Variants in ARHGAP10 observed in about 807,000 individuals in gnomAD.
ARHGAP10 encodes rho GTPase-activating protein 10.
A neutral mutation model predicts 108.6 loss-of-function variants in ARHGAP10; 87 were observed. That is an observed-to-expected ratio of 0.80 (90% CI 0.67 to 0.96). The LOEUF (loss-of-function observed/expected upper bound fraction) is 0.96, where lower values mean the gene tolerates loss of function less well. ARHGAP10 is among the 40% of genes least tolerant of loss of function. The pLI, the probability that ARHGAP10 is intolerant of heterozygous loss-of-function variation, is 0.00. For missense variants in ARHGAP10, 939 were observed against 954.5 expected, an observed-to-expected ratio of 0.98 and a Z score of 0.21; for synonymous variants, 347 against 341.1, an observed-to-expected ratio of 1.02 and a Z score of -0.19.
intron 18 of ARHGAP10, among the ~76,000 whole-genome samples, chr4:147,975,644 A>G (rs1293480644): frequency 1.3e-5 from 2 of 152,164 alleles, no homozygotes; most frequent in South Asian, 2.1e-4. Context: ...TTGCTTTTCT[A>G]ACGAACTCTC....
Position 148,016,046 on chromosome 4 carries a change from G to A in ARHGAP10, c.1717-7217G>A, listed in dbSNP as rs1006420284. On this transcript the variant is annotated intron_variant, in intron 18 of 22. Transcript: ENST00000336498. ...AGACATGTACAGTGGAGTGAGGGAA[G>A]TGGGTTCAAATCTTTGTAAGTCAAG... 2.6e-5 allele frequency among the ~76,000 whole-genome samples: 4 copies of A among 152,190 alleles called. No homozygotes were observed. In the East Asian group the frequency reaches 7.7e-4, roughly 29 times the overall value.
At chr4:147,948,986 A>C (rs555878165) in intron 15 of ARHGAP10, among the ~76,000 whole-genome samples, 52 of 150,924 alleles carry the variant, frequency 3.4e-4, no homozygotes, top group African/African-American at 1.2e-3. Context: ...AAACAAAAAA[A>C]CCCCCAAAAA....
rs758356862 is a variant in ARHGAP10 at position 148,023,323 on chromosome 4, C to A, written c.1777C>A (p.Pro593Thr). ...GCCCACCTGCCTGTCAGCATCACCC[C>A]CAAATGCGCCACCAAGGCAGTCGAA... The part of the protein sequence containing the change: ...PEPTCLSASP[P>T]NAPPRQSKRQ... Residue 593 changes from proline (P) to threonine (T), a missense_variant, in exon 19 of 23, where the codon CCA becomes ACA. Pro to Thr is a conservative substitution (Grantham distance 38). Coordinates refer to ENST00000336498, the MANE Select transcript of ARHGAP10 (RefSeq NM_024605.4). 2.5e-6 allele frequency: 4 copies of A among 1,614,196 alleles called. No homozygotes were observed. The Admixed American group carries it at 6.7e-5, about 27-fold the overall frequency.
At chr4:147,873,332 A>G (rs2126858604) in intron 7 of ARHGAP10, among the ~76,000 whole-genome samples, 1 of 152,194 alleles carries the variant, frequency 6.6e-6, no homozygotes, top group Non-Finnish European at 1.5e-5. Context: ...AACATAAATA[A>G]TAGCATTATT....
chr4:148,040,811 A>AT (rs980186613), intron 19 of ARHGAP10, among the ~76,000 whole-genome samples: 2 of 145,842 alleles, frequency 1.4e-5, no homozygotes, highest in African/African-American at 5.5e-5. Flanking sequence ...ATTAAAAAAG[A>AT]TTTGGGGGGG....
intron 6 of ARHGAP10, 121 bp from the exon 7 acceptor site, chr4:147,866,591 T>C (rs1206559089): frequency 1.5e-6 from 1 of 657,254 alleles, no homozygotes. Context: ...GACTTCCCTT[T>C]AATCAGTTTA....
chr4:147,744,058 G>A (rs1004155900), intron 1 of ARHGAP10, among the ~76,000 whole-genome samples: 3 of 152,200 alleles, frequency 2.0e-5, no homozygotes, highest in Non-Finnish European at 4.4e-5. Context: ...GTATATTAGT[G>A]CAGAAGAGTT....
At chr4:147,902,450 G>A (rs965538166) in intron 10 of ARHGAP10, among the ~76,000 whole-genome samples, 20 of 152,160 alleles carry the variant, frequency 1.3e-4, no homozygotes, top group Admixed American at 1.2e-3. Flanking sequence ...GGTTGAGGCC[G>A]GGCGCAGTGG....
rs547920058 is a variant in ARHGAP10, at chr4:147,744,419, G to A, written c.154+11964G>A. 3.9e-5 allele frequency among the ~76,000 whole-genome samples: 6 copies of A among 152,212 alleles called. No individual in the cohort carries two copies. The South Asian group carries it at 1.2e-3, about 32-fold the overall frequency. ...GGTCAAGAAGGCCCTTGGAAAGCAGGTTGAGGGCTTTACTCTAAGGACAGT... is the reference window on the plus strand; with the variant it reads ...GGTCAAGAAGGCCCTTGGAAAGCAGATTGAGGGCTTTACTCTAAGGACAGT... On this transcript the variant is annotated intron_variant, in intron 1 of 22. Transcript: ENST00000336498.
chr4:147,837,697 G>T (rs1170962382), intron 3 of ARHGAP10, among the ~76,000 whole-genome samples: 1 of 119,978 alleles, frequency 8.3e-6, no homozygotes. Context: ...TCTTGGATGG[G>T]ACCATCTCAT....
chr4:147,732,602 A>C, intron 1 of ARHGAP10, 147 bp downstream of exon 1: 1 of 1,143,612 alleles, frequency 8.7e-7, no homozygotes, highest in Non-Finnish European at 1.2e-6. Flanking sequence ...CTCTCTCGGA[A>C]CCCCGGGGGG....
Position 147,732,435 on chromosome 4 carries a change from A to G in ARHGAP10, c.134A>G (p.Asn45Ser), listed in dbSNP as rs1380582093. ...AAAGAGCTCATTAAGGACGGGAAGA[A>G]CCTCATCGCTGCGACGAAAAGTAAG... ...FIKELIKDGK[N>S]LIAATKSLSV... The change falls in exon 1 of 23, where the codon AAC becomes AGC. Residue 45 changes from asparagine (N) to serine (S), a missense_variant. Asn to Ser is a conservative substitution (Grantham distance 46). Transcript: ENST00000336498. The G allele has an allele frequency of 2.5e-6, 4 of 1,611,940 alleles. No homozygotes were observed. The highest frequency in any genetic ancestry group is 3.4e-6 in the Non-Finnish European group (4 of 1,179,098).
intron 14 of ARHGAP10, among the ~76,000 whole-genome samples, chr4:147,943,946 G>A (rs958979293): frequency 6.6e-6 from 1 of 152,136 alleles, no homozygotes; most frequent in African/African-American, 2.4e-5. Flanking sequence ...TAGAATGATG[G>A]CTTATTTTTC....
intron 11 of ARHGAP10, among the ~76,000 whole-genome samples, chr4:147,907,605 G>A (rs1271516344): frequency 1.3e-5 from 2 of 152,206 alleles, no homozygotes; most frequent in Non-Finnish European, 2.9e-5. Flanking sequence ...ATGTTATCTT[G>A]TGGTAACAGA....
chr4:147,960,874 C>G (rs2126991021), intron 16 of ARHGAP10, among the ~76,000 whole-genome samples: 1 of 152,308 alleles, frequency 6.6e-6, no homozygotes, highest in Admixed American at 6.5e-5. Flanking sequence ...TTGTGAGATT[C>G]ATCTCTGTTG....
chr4:147,994,083 G>A (rs558110021), intron 18 of ARHGAP10, among the ~76,000 whole-genome samples: 47 of 152,256 alleles, frequency 3.1e-4, no homozygotes, highest in African/African-American at 1.0e-3. Flanking sequence ...AAGGGATTTC[G>A]GGCAGCTAAG....
intron 19 of ARHGAP10, among the ~76,000 whole-genome samples, chr4:148,040,116 G>T (rs1728566423): frequency 1.3e-5 from 2 of 152,152 alleles, no homozygotes; most frequent in South Asian, 4.1e-4. Flanking sequence ...TCACCTAGGT[G>T]CTGGTTCAGA....
chr4:148,030,391 A>G (rs1721823544), intron 19 of ARHGAP10, among the ~76,000 whole-genome samples: 1 of 152,216 alleles, frequency 6.6e-6, no homozygotes, highest in Non-Finnish European at 1.5e-5. Context: ...TTTCAAACCA[A>G]CCAAAGTATT....
In ARHGAP10 at chr4:147,962,298, C is replaced by T. The variant is rs17024210; in HGVS notation, c.1451-2726C>T. Reference sequence around the variant, plus strand: ...AACCTGTCAGTTCTGCTTCTTCCATCGTAGCGCTCAAATAATAATAGTAAC... The same window carrying T: ...AACCTGTCAGTTCTGCTTCTTCCATTGTAGCGCTCAAATAATAATAGTAAC... On this transcript the variant is annotated intron_variant, in intron 16 of 22. Transcript: ENST00000336498. 8.6e-3 allele frequency among the ~76,000 whole-genome samples: 1,317 copies of T among 152,346 alleles called. 21 individuals carry two copies. The highest frequency in any genetic ancestry group is 0.03 in the African/African-American group (1,252 of 41,580).
Sources: allele counts gnomAD v4.1 joint callset (sites outside exome capture counted in the v4.1 genomes callset), GRCh38; gene constraint gnomAD v4.1.1; transcripts MANE v1.5; gene names NCBI Gene and HGNC (gene_info 2026-07-23, HGNC 2026-07-21).